CLUL1: variants seen among roughly 807,000 people sequenced by gnomAD.
CLUL1 encodes clusterin-like protein 1.
A neutral mutation model predicts 49.4 loss-of-function variants in CLUL1; 43 were observed. The ratio of observed to expected loss-of-function variants is 0.87; its 90% CI spans 0.68 to 1.12. CLUL1 has a LOEUF of 1.12. CLUL1 is among the 50% of genes most tolerant of loss of function. CLUL1 has a pLI of 0.00. For missense variants in CLUL1, 486 were observed against 544.4 expected, an observed-to-expected ratio of 0.89 and a Z score of 1.07; for synonymous variants, 192 against 184.9, an observed-to-expected ratio of 1.04 and a Z score of -0.31.
chr18:610,345 T>G (rs1446197036), intron 2 of CLUL1, among the ~76,000 whole-genome samples: 2 of 152,168 alleles, frequency 1.3e-5, no homozygotes, highest in African/African-American at 2.4e-5. Flanking sequence ...GCAATACATC[T>G]GGCGGTCTGC....
In CLUL1 at chr18:641,500, AACC is replaced by A. The variant is rs774820481; in HGVS notation, c.1170_1172del (p.Asn390_Gln391delinsLys). 6.2e-7 allele frequency: 1 copy of A among 1,614,230 alleles called. No individual in the cohort carries two copies. Among genetic ancestry groups the A allele is most frequent in the Non-Finnish European group, 8.5e-7 (1 of 1,180,046 alleles). On this transcript the variant is annotated inframe_deletion, in exon 8 of 10. Coordinates refer to ENST00000692774, the MANE Select transcript of CLUL1 (RefSeq NM_001393344.1). ...ATTTGGCTGGGTGTCTGAACTGGCA[AACC>A]AGGCCCCAGAAACAGAGATCATCTT...
intron 6 of CLUL1, among the ~76,000 whole-genome samples, chr18:632,925 C>T (rs182694136): frequency 1.1e-3 from 170 of 152,116 alleles, no homozygotes; most frequent in African/African-American, 4.0e-3. Flanking sequence ...GAGGCCGAGG[C>T]GGGTGGATCA....
At chr18:630,403 C>T (rs998237854) in intron 6 of CLUL1, among the ~76,000 whole-genome samples, 1 of 152,060 alleles carries the variant, frequency 6.6e-6, no homozygotes, top group African/African-American at 2.4e-5. Context: ...GCCATCATGC[C>T]CGGCCTCAAC....
chr18:617,685 T>C (rs1353599354), intron 2 of CLUL1, among the ~76,000 whole-genome samples: 1 of 151,498 alleles, frequency 6.6e-6, no homozygotes, highest in Non-Finnish European at 1.5e-5. Flanking sequence ...GTTTACAAAA[T>C]GAAGCTTGGA....
intron 4 of CLUL1, among the ~76,000 whole-genome samples, chr18:621,297 G>A (rs2073481704): frequency 6.6e-6 from 1 of 151,982 alleles, no homozygotes; most frequent in Admixed American, 6.6e-5. Flanking sequence ...TTTTACTTCT[G>A]AGGATCATGG....
In CLUL1 at chr18:636,032, G is replaced by T. The variant is rs182903814; in HGVS notation, c.994+2597G>T. Reference sequence around the variant, plus strand: ...TTACAGGTGTGAGCCATCGCGCCTGGCCAACAAATTGTTACAATGTTAAAC... The same window carrying T: ...TTACAGGTGTGAGCCATCGCGCCTGTCCAACAAATTGTTACAATGTTAAAC... On this transcript the variant is annotated intron_variant, in intron 7 of 9. Transcript: ENST00000692774. Among the ~76,000 whole-genome samples, 281 of 152,218 alleles carry T rather than the reference G, an allele frequency of 1.8e-3. 1 individual carries two copies. Among genetic ancestry groups the T allele is most frequent in the Non-Finnish European group, 1.1e-3 (75 of 68,012 alleles).
At chr18:625,404 G>A (rs2144044944) in intron 5 of CLUL1, among the ~76,000 whole-genome samples, 1 of 152,092 alleles carries the variant, frequency 6.6e-6, no homozygotes, top group East Asian at 1.9e-4. Flanking sequence ...TGGAATCATA[G>A]CATTGCAGTC....
chr18:610,898 A>G (rs79991798), intron 2 of CLUL1, among the ~76,000 whole-genome samples: 8,434 of 152,238 alleles, frequency 0.055, 274 homozygotes, highest in Non-Finnish European at 0.074. Flanking sequence ...AACATTAAAA[A>G]AAGAGATGAA....
Position 618,196 on chromosome 18 carries a change from A to G in CLUL1, c.106+90A>G. ...AGTGAGTCGCAGTTGAGAGATAACC[A>G]TATTCGCTGTTTTCACGGTGAAACG... is the stretch of plus-strand genomic sequence containing the variant. On this transcript the variant is annotated intron_variant, in intron 3 of 9. Transcript: ENST00000692774. This position sits in a 1 kb window ranked among gnomAD's most constrained non-coding sequence, Gnocchi z 4.2. 1.0e-6 allele frequency: 1 copy of G among 958,910 alleles called. No homozygotes were observed. The highest frequency in any genetic ancestry group is 1.6e-6 in the Non-Finnish European group (1 of 607,646). 59.4% of individuals were successfully genotyped at this position (958,910 alleles called of 1,614,324 possible). A position where few individuals can be genotyped will look rare whatever the true frequency, so the allele number is the denominator to read the frequency against.
intron 2 of CLUL1, chr18:613,197 G>A: frequency 4.2e-6 from 2 of 475,882 alleles, no homozygotes; most frequent in South Asian, 8.2e-5. Flanking sequence ...GGAGTGCACT[G>A]CTGCAATCTC....
At chr18:636,320 A>C (rs569786930) in intron 7 of CLUL1, among the ~76,000 whole-genome samples, 5 of 152,184 alleles carry the variant, frequency 3.3e-5, no homozygotes, top group Non-Finnish European at 7.3e-5. Flanking sequence ...ATGATATTAA[A>C]AATTATTAGA....
intron 2 of CLUL1, among the ~76,000 whole-genome samples, chr18:612,454 A>G (rs495493): frequency 0.22 from 33,829 of 152,006 alleles, 3,831 homozygotes; most frequent in Non-Finnish European, 0.23. Context: ...TGCCACGTGC[A>G]CCCCTCGCTC....
At position 606,554 on chromosome 18, in the gene CLUL1, A is replaced by C. The variant is rs2072978186; in HGVS notation, c.-135-424A>C. Among the ~76,000 whole-genome samples, 1 of 151,416 alleles carries C rather than the reference A, an allele frequency of 6.6e-6. No individual in the cohort carries two copies. The highest frequency in any genetic ancestry group is 2.4e-5 in the African/African-American group (1 of 41,142). On this transcript the variant is annotated intron_variant, in intron 1 of 9. Coordinates refer to ENST00000692774, the MANE Select transcript of CLUL1 (RefSeq NM_001393344.1). This position sits in a 1 kb window ranked among gnomAD's most constrained non-coding sequence, Gnocchi z 4.1. ...AACCCACCCCATCTTCCTTGTCCTC[A>C]CCCCTGGTCAGGAGAAGCCAAAACA... is the stretch of plus-strand genomic sequence containing the variant.
intron 1 of CLUL1, among the ~76,000 whole-genome samples, chr18:599,219 T>C (rs1188981010): frequency 1.3e-5 from 2 of 152,236 alleles, no homozygotes; most frequent in Non-Finnish European, 2.9e-5. Context: ...GTTGTTGTTG[T>C]TTTTAAGGTA....
At chr18:613,536 C>T (rs1268620406) in intron 2 of CLUL1, among the ~76,000 whole-genome samples, 1 of 150,860 alleles carries the variant, frequency 6.6e-6, no homozygotes, top group Non-Finnish European at 1.5e-5. Flanking sequence ...CTCACAGAAA[C>T]CTCCGCCTCC....
chr18:623,644 C>CAAAA (rs59558949), intron 4 of CLUL1, among the ~76,000 whole-genome samples: 5 of 71,086 alleles, frequency 7.0e-5, no homozygotes, highest in African/African-American at 2.1e-4. Context: ...GACTCTGTCT[C>CAAAA]AAAAAAAAAA....
intron 7 of CLUL1, among the ~76,000 whole-genome samples, chr18:636,897 G>T (rs1279980737): frequency 6.6e-6 from 1 of 152,070 alleles, no homozygotes; most frequent in Non-Finnish European, 1.5e-5. Flanking sequence ...AAAGTGCTGG[G>T]ATTACAGGCG....
intron 1 of CLUL1, among the ~76,000 whole-genome samples, chr18:604,995 G>A (rs11663860): frequency 0.14 from 20,586 of 152,170 alleles, 1,431 homozygotes; most frequent in Admixed American, 0.17. Context: ...TCCCTTATCT[G>A]CACAAAACAT....
At chr18:635,464 G>A (rs751768102) in intron 7 of CLUL1, among the ~76,000 whole-genome samples, 1 of 152,134 alleles carries the variant, frequency 6.6e-6, no homozygotes, top group Non-Finnish European at 1.5e-5. Context: ...ATATGGGTCC[G>A]TGGCCCAGGG....
Sources: gnomAD v4.1 joint callset for allele counts (sites outside exome capture counted in the v4.1 genomes callset) on GRCh38, gnomAD v4.1.1 for gene constraint, Gnocchi (gnomAD v3.1) non-coding constraint, MANE v1.5 for transcripts, NCBI Gene and HGNC (gene_info 2026-07-23, HGNC 2026-07-21) for gene names.